The following PALLD variants were observed in gnomAD, a reference collection of about 807,000 sequenced individuals.
The protein encoded by PALLD is palladin, cytoskeletal associated protein, also known as palladin.
In PALLD, 61 loss-of-function variants were observed where a neutral mutation model predicts 123.5. The observed-to-expected ratio is 0.49, with a 90% confidence interval of 0.40 to 0.61. PALLD has a LOEUF of 0.61. PALLD is among the 20% of genes least tolerant of loss of function. The pLI, the probability that PALLD is intolerant of heterozygous loss-of-function variation, is 0.00. For missense variants in PALLD, 1,273 were observed against 1,377.0 expected (o/e 0.92, Z 1.20); for synonymous variants, 465 against 496.4 (o/e 0.94, Z 0.84).
Position 168,913,945 on chromosome 4 carries a change from G to C in PALLD, c.2641G>C (p.Gly881Arg). The C allele has an allele frequency of 6.2e-7, 1 of 1,611,802 alleles. No homozygotes were observed. ...TCTACAGGGCCGCATCAGTTGTACT[G>C]GACGGCTAATGGTACAGGCTGTCAA... ...ANPQGRISCT[G>R]RLMVQAVNQR... Residue 881 changes from glycine to arginine, a missense_variant, in exon 16 of 22, where the codon GGA becomes CGA. This residue lies in a region of PALLD where 329 missense variants were observed against 422.5 expected (regional missense o/e 0.78). Coordinates refer to ENST00000505667, the MANE Select transcript of PALLD (RefSeq NM_001166108.2).
At chr4:168,505,698 G>C (rs7666151) in intron 1 of PALLD, among the ~76,000 whole-genome samples, 3,798 of 152,224 alleles carry the variant, frequency 0.025, 143 homozygotes, top group African/African-American at 0.085. Flanking sequence ...CTGCTGTGAG[G>C]GTTTTAAATG....
intron 2 of PALLD, among the ~76,000 whole-genome samples, chr4:168,516,615 T>C (rs897979330): frequency 2.0e-5 from 3 of 152,138 alleles, no homozygotes; most frequent in African/African-American, 7.2e-5. Flanking sequence ...AAATCATTCA[T>C]TAGTCATGGA....
At chr4:168,680,643 A>C (rs1220202942) in intron 3 of PALLD, among the ~76,000 whole-genome samples, 2 of 152,278 alleles carry the variant, frequency 1.3e-5, no homozygotes, top group Non-Finnish European at 2.9e-5. Flanking sequence ...AGCATGTATT[A>C]TTATATAAAA....
chr4:168,613,042 A>G (rs976230256), intron 2 of PALLD, among the ~76,000 whole-genome samples: 2 of 152,196 alleles, frequency 1.3e-5, no homozygotes, highest in African/African-American at 4.8e-5. Flanking sequence ...AACTTCCTTC[A>G]GTAACTAGTG....
intron 10 of PALLD, among the ~76,000 whole-genome samples, chr4:168,848,050 C>G (rs977094681): frequency 6.6e-6 from 1 of 152,040 alleles, no homozygotes; most frequent in Non-Finnish European, 1.5e-5. Context: ...CTCATTTAAC[C>G]TCTAAGAAAA....
chr4:168,624,963 C>T (rs1431105957), intron 2 of PALLD, among the ~76,000 whole-genome samples: 1 of 151,990 alleles, frequency 6.6e-6, no homozygotes, highest in Non-Finnish European at 1.5e-5. Flanking sequence ...GACTTGATAA[C>T]ATGAAGAAGT....
At chr4:168,522,208 C>G (rs902104884) in intron 2 of PALLD, among the ~76,000 whole-genome samples, 1 of 152,166 alleles carries the variant, frequency 6.6e-6, no homozygotes, top group African/African-American at 2.4e-5. Flanking sequence ...ATACTTTAGC[C>G]ACTCTTTGTT....
chr4:168,572,763 C>G (rs1274929014), intron 2 of PALLD, among the ~76,000 whole-genome samples: 1 of 151,772 alleles, frequency 6.6e-6, no homozygotes, highest in Non-Finnish European at 1.5e-5. Context: ...ACCCACACTG[C>G]TCAGCCCTGG....
intron 10 of PALLD, among the ~76,000 whole-genome samples, chr4:168,753,044 C>A (rs1731276968): frequency 6.6e-6 from 1 of 151,956 alleles, no homozygotes; most frequent in Non-Finnish European, 1.5e-5. Flanking sequence ...GAGACAATGG[C>A]AAAGCGAACA....
intron 10 of PALLD, among the ~76,000 whole-genome samples, chr4:168,762,819 T>C (rs1733137455): frequency 1.3e-5 from 2 of 152,198 alleles, no homozygotes; most frequent in South Asian, 4.1e-4. Flanking sequence ...ATGTGGCACA[T>C]ATACATGATG....
At chr4:168,664,723 A>G (rs1779457049) in intron 2 of PALLD, among the ~76,000 whole-genome samples, 1 of 147,150 alleles carries the variant, frequency 6.8e-6, no homozygotes, top group Non-Finnish European at 1.5e-5. Flanking sequence ...CACCAGTTCT[A>G]TGTTGTTAAA....
At chr4:168,870,363 G>A (rs1431879796) in intron 10 of PALLD, among the ~76,000 whole-genome samples, 5 of 152,158 alleles carry the variant, frequency 3.3e-5, no homozygotes, top group East Asian at 1.9e-4. Flanking sequence ...TGCAATTGAC[G>A]TTAGCTAGTT....
At chr4:168,911,792 T>C (rs777066089) in intron 15 of PALLD, among the ~76,000 whole-genome samples, 34 of 152,246 alleles carry the variant, frequency 2.2e-4, no homozygotes, top group Non-Finnish European at 4.7e-4. Flanking sequence ...TCCTTCATAA[T>C]GTTAGACTTC....
intron 2 of PALLD, among the ~76,000 whole-genome samples, chr4:168,589,329 C>A (rs1771168194): frequency 6.6e-6 from 1 of 152,092 alleles, no homozygotes; most frequent in Non-Finnish European, 1.5e-5. Context: ...AGGTAGGAGA[C>A]CTTCAGGGAA....
chr4:168,506,415 C>T (rs28499195), intron 1 of PALLD, among the ~76,000 whole-genome samples: 20,522 of 143,674 alleles, frequency 0.14, 2,583 homozygotes, highest in African/African-American at 0.34. Flanking sequence ...TGCCCCAACA[C>T]ACATACACCC....
chr4:168,703,084 G>C (rs1252417530), intron 8 of PALLD, among the ~76,000 whole-genome samples: 1 of 122,536 alleles, frequency 8.2e-6, no homozygotes, highest in Non-Finnish European at 1.6e-5. Context: ...ACAGTCCCCA[G>C]AGTGTGATAT....
chr4:168,713,942 G>GTTTTTTTTTTTTTTTTTTTT (rs34942776), intron 10 of PALLD, among the ~76,000 whole-genome samples: 1 of 54,700 alleles, frequency 1.8e-5, no homozygotes, highest in African/African-American at 7.1e-5. Flanking sequence ...TTTTCCCATT[G>GTTTTTTTTTTTTTTTTTTTT]TTTTTTTTTT....
intron 3 of PALLD, among the ~76,000 whole-genome samples, chr4:168,675,432 C>T (rs886505790): frequency 6.6e-6 from 1 of 152,230 alleles, no homozygotes; most frequent in Admixed American, 6.5e-5. Context: ...CTGGTAATCA[C>T]ATAGGGTAAA....
chr4:168,906,490 T>C (rs1757824564), intron 15 of PALLD, among the ~76,000 whole-genome samples: 2 of 152,256 alleles, frequency 1.3e-5, no homozygotes, highest in East Asian at 1.9e-4. Context: ...TCTTGACAAA[T>C]TATTATGAAG....
Sources: gnomAD v4.1 joint callset for allele counts (sites outside exome capture counted in the v4.1 genomes callset) on GRCh38, gnomAD v4.1.1 for gene constraint, gnomAD v4.1.1 regional missense constraint, MANE v1.5 for transcripts, NCBI Gene and HGNC (gene_info 2026-07-23, HGNC 2026-07-21) for gene names.